Variants in NUSAP1 observed in about 807,000 individuals in gnomAD.
NUSAP1 encodes the protein nucleolar and spindle-associated protein 1.
In NUSAP1, 32 loss-of-function variants were observed where a neutral mutation model predicts 52.8. The observed-to-expected ratio is 0.61, with a 90% CI of 0.46 to 0.81. NUSAP1 has a LOEUF of 0.81. Among genes scored for constraint, NUSAP1 ranks in the 40% least tolerant of loss-of-function variants. The probability of loss-of-function intolerance (pLI) is 0.00; values close to 1 mark genes in which losing one functional copy is unlikely to be tolerated. For synonymous variants in NUSAP1, 195 were observed against 183.1 expected (o/e 1.06, Z -0.52); for missense variants, 499 against 522.3 (o/e 0.96, Z 0.43).
At chr15:41,379,993 G>T in intron 10 of NUSAP1, 100 bp from the exon 11 acceptor site, 1 of 771,994 alleles carries the variant, frequency 1.3e-6, no homozygotes, top group Non-Finnish European at 2.2e-6. Flanking sequence ...TATGCTGGAT[G>T]TCATTGCTTG....
At chr15:41,370,516 T>C (rs1385650827) in intron 7 of NUSAP1, among the ~76,000 whole-genome samples, 1 of 151,856 alleles carries the variant, frequency 6.6e-6, no homozygotes, top group Non-Finnish European at 1.5e-5. Context: ...TTTGAGAGAC[T>C]GAGGCAGGCG....
chr15:41,359,502 G>A (rs2049087915), intron 6 of NUSAP1, among the ~76,000 whole-genome samples: 2 of 152,064 alleles, frequency 1.3e-5, no homozygotes, highest in South Asian at 4.1e-4. Flanking sequence ...AGGGCCAAGA[G>A]GAAAACTCAC....
intron 1 of NUSAP1, among the ~76,000 whole-genome samples, chr15:41,341,869 T>C (rs1438103549): frequency 1.3e-5 from 2 of 152,156 alleles, no homozygotes; most frequent in Non-Finnish European, 2.9e-5. Context: ...CCTGGTAACA[T>C]CACGGCCCTG....
At chr15:41,377,698 CAA>C (rs567198834) in intron 10 of NUSAP1, among the ~76,000 whole-genome samples, 3 of 96,518 alleles carry the variant, frequency 3.1e-5, no homozygotes, top group South Asian at 3.4e-4. Flanking sequence ...GGCGCCGTCT[CAA>C]AAAAAAAAAA....
Position 41,365,531 on chromosome 15 carries a change from T to C in NUSAP1, c.790T>C (p.Leu264=), listed in dbSNP as rs61742023. Residue 264 remains leucine, a synonymous_variant, in exon 7 of 11, where the codon TTG becomes CTG. Coordinates refer to ENST00000559596, the MANE Select transcript of NUSAP1 (RefSeq NM_016359.5). ...RSCGPASQST[L]GLKGSLKRSA... ...TTGTGGCCCTGCAAGTCAGAGTACC[T>C]TGGGTCTGAAGGGGTCACTCAAGCG... The C allele has an allele frequency of 5.0e-5, 80 of 1,612,818 alleles. No individual in the cohort carries two copies. Among genetic ancestry groups the C allele is most frequent in the Admixed American group, 8.4e-5 (5 of 59,808 alleles).
chr15:41,372,071 A>G (rs1201906056), intron 8 of NUSAP1, among the ~76,000 whole-genome samples: 1 of 152,032 alleles, frequency 6.6e-6, no homozygotes, highest in Non-Finnish European at 1.5e-5. Flanking sequence ...CCCGGCCTGT[A>G]TCTGTTTCCT....
At chr15:41,334,133 C>A (rs750338817) in intron 1 of NUSAP1, among the ~76,000 whole-genome samples, 12 of 151,298 alleles carry the variant, frequency 7.9e-5, no homozygotes, top group Non-Finnish European at 1.5e-4. Context: ...TTTGTTTTTT[C>A]TTTGAGACGG....
At chr15:41,344,750 G>A (rs1595538422) in intron 2 of NUSAP1, among the ~76,000 whole-genome samples, 1 of 152,102 alleles carries the variant, frequency 6.6e-6, no homozygotes, top group East Asian at 1.9e-4. Context: ...AGACCAGCCT[G>A]GCTAACATGG....
intron 7 of NUSAP1, 123 bp from the exon 8 acceptor site, chr15:41,371,404 A>G (rs986985799): frequency 1.4e-6 from 1 of 730,902 alleles, no homozygotes; most frequent in Non-Finnish European, 2.1e-6. Context: ...GTTCGTTCCT[A>G]TGACAATTAT....
chr15:41,371,839 C>T (rs1232195003), intron 8 of NUSAP1, among the ~76,000 whole-genome samples, 155 bp downstream of exon 8: 8 of 151,974 alleles, frequency 5.3e-5, no homozygotes, highest in Non-Finnish European at 7.4e-5. Context: ...GGCGGGATCT[C>T]GGCTCACTGC....
At chr15:41,365,179 G>GT (rs2049341489) in intron 6 of NUSAP1, among the ~76,000 whole-genome samples, 1 of 152,066 alleles carries the variant, frequency 6.6e-6, no homozygotes, top group African/African-American at 2.4e-5. Context: ...TTTTGTTTTT[G>GT]TTTTTTGAGA....
intron 8 of NUSAP1, among the ~76,000 whole-genome samples, chr15:41,371,997 A>C (rs1001459472): frequency 1.3e-5 from 2 of 152,024 alleles, no homozygotes; most frequent in Admixed American, 6.6e-5. Context: ...CAAACTCCTG[A>C]CCTCAGGTGA....
Position 41,371,546 on chromosome 15 carries a change from G to A in NUSAP1, c.868G>A (p.Asp290Asn). The change falls in exon 8 of 11, where the codon GAT becomes AAT. Residue 290 changes from aspartate (D) to asparagine (N), a missense_variant. Coordinates refer to ENST00000559596, the MANE Select transcript of NUSAP1 (RefSeq NM_016359.5). The stretch of plus-strand genomic sequence containing the variant: ...ATTTAGGTTTTCAGCTGCTACTAAA[G>A]ATAATGAGCATAAGCGTTCACTGAC... ...TGVRFSAATK[D>N]NEHKRSLTKT... 1 of 1,602,010 alleles carries A rather than the reference G, an allele frequency of 6.2e-7. No individual in the cohort carries two copies. The highest frequency in any genetic ancestry group is 8.5e-7 in the Non-Finnish European group (1 of 1,176,854).
intron 9 of NUSAP1, among the ~76,000 whole-genome samples, chr15:41,376,724 AT>A (rs1187790525): frequency 2.7e-5 from 4 of 148,722 alleles, no homozygotes; most frequent in Non-Finnish European, 4.5e-5. Flanking sequence ...TTAAATTTAA[AT>A]TAAAAAAAAA....
At chr15:41,371,802 C>A in intron 8 of NUSAP1, 118 bp downstream of exon 8, 1 of 1,177,518 alleles carries the variant, frequency 8.5e-7, no homozygotes, top group Non-Finnish European at 1.2e-6. Context: ...TGGAGTTTCG[C>A]TTTTGTCACC....
chr15:41,372,612 G>A (rs1353882800), intron 8 of NUSAP1, among the ~76,000 whole-genome samples: 2 of 152,206 alleles, frequency 1.3e-5, no homozygotes, highest in African/African-American at 4.8e-5. Context: ...TGTGCTTCCA[G>A]TGGCAGTGTA....
At position 41,362,665 on chromosome 15, in the gene NUSAP1, C is replaced by T. The variant is rs374866593; in HGVS notation, c.661-2737C>T. Reference sequence around the variant, plus strand: ...CAGGATGGTCTGAATCTCCTGACCTCGTGATCTGCCTGCCTCGGCCTCCCA... The same window carrying T: ...CAGGATGGTCTGAATCTCCTGACCTTGTGATCTGCCTGCCTCGGCCTCCCA... On this transcript the variant is annotated intron_variant, in intron 6 of 10. Transcript: ENST00000559596. Among the ~76,000 whole-genome samples the T allele has an allele frequency of 6.6e-5, 10 of 151,902 alleles. No individual in the cohort carries two copies. The East Asian group carries it at 1.2e-3, about 18-fold the overall frequency.
intron 8 of NUSAP1, among the ~76,000 whole-genome samples, chr15:41,373,251 G>A (rs868405369): frequency 3.4e-4 from 51 of 151,870 alleles, no homozygotes; most frequent in African/African-American, 1.1e-3. Flanking sequence ...AAAATTAGCC[G>A]GGCGTGGTGG....
intron 1 of NUSAP1, among the ~76,000 whole-genome samples, chr15:41,334,877 A>T (rs1244237895): frequency 6.6e-6 from 1 of 152,190 alleles, no homozygotes; most frequent in Non-Finnish European, 1.5e-5. Flanking sequence ...TGAATCAAGT[A>T]TTTATAGGTG....
Sources: gnomAD v4.1 joint callset for allele counts (sites outside exome capture counted in the v4.1 genomes callset) on GRCh38, gnomAD v4.1.1 for gene constraint, MANE v1.5 for transcripts, NCBI Gene and HGNC (gene_info 2026-07-23, HGNC 2026-07-21) for gene names.